Variants in LAMA4 observed in about 807,000 individuals in gnomAD.
LAMA4 encodes laminin subunit alpha 4.
In LAMA4, 127 loss-of-function variants were observed where a neutral mutation model predicts 207.1. That is an observed-to-expected ratio of 0.61 (90% CI 0.53 to 0.71). LAMA4 has a LOEUF of 0.71. Among genes scored for constraint, LAMA4 ranks in the 30% least tolerant of loss-of-function variants. The probability of loss-of-function intolerance (pLI) is 0.00; values close to 1 mark genes in which losing one functional copy is unlikely to be tolerated. For synonymous variants in LAMA4, 761 were observed against 816.0 expected (o/e 0.93, Z 1.15); for missense variants, 2,093 against 2,246.5 (o/e 0.93, Z 1.38).
intron 3 of LAMA4, among the ~76,000 whole-genome samples, chr6:112,211,157 C>G (rs1554356422): frequency 6.6e-6 from 1 of 152,120 alleles, no homozygotes; most frequent in East Asian, 1.9e-4. Context: ...GCATTTCTAA[C>G]AAGCTCCCAA....
Position 112,158,827 on chromosome 6 carries a change from T to C in LAMA4, c.1722A>G (p.Val574=). ...TGAGGTTACTTAGGTTAGATAGTTTTACTTGTAGTTCACTTTTGGCTCCAT... is the reference window on the plus strand; with the variant it reads ...TGAGGTTACTTAGGTTAGATAGTTTCACTTGTAGTTCACTTTTGGCTCCAT... ...EIDGAKSELQ[V]KLSNLSNLSH... Residue 574 remains valine, a synonymous_variant, in exon 14 of 39, where the codon GTA becomes GTG. Coordinates refer to ENST00000230538, the MANE Select transcript of LAMA4 (RefSeq NM_001105206.3). 1 of 1,613,344 alleles carries C rather than the reference T, an allele frequency of 6.2e-7. No individual in the cohort carries two copies. Among genetic ancestry groups the C allele is most frequent in the Non-Finnish European group, 8.5e-7 (1 of 1,179,296 alleles).
Position 112,109,498 on chromosome 6 carries a change from C to G in LAMA4, c.5411G>C (p.Ser1804Thr). The part of the protein sequence containing the change: ...RHFVIDGHPV[S>T]FSKAALVSGA... ...GCTGACCAGGGCTGCTTTACTGAAG[C>G]TCACTGGGTGTCCATCAATCACAAA... Residue 1804 changes from serine (S) to threonine (T), a missense_variant, in exon 39 of 39, where the codon AGC becomes ACC. Around this residue, in one of 3 missense-constraint regions of LAMA4, gnomAD observed 383 missense variants for 437.8 expected, o/e 0.87. Transcript: ENST00000230538. 6.2e-7 allele frequency: 1 copy of G among 1,614,104 alleles called. No homozygotes were observed. The highest frequency in any genetic ancestry group is 8.5e-7 in the Non-Finnish European group (1 of 1,179,998).
Position 112,254,046 on chromosome 6 carries a change from G to C in LAMA4, c.105C>G (p.Asp35Glu), listed in dbSNP as rs572035776. 9 of 1,602,392 alleles carry C rather than the reference G, an allele frequency of 5.6e-6. No individual in the cohort carries two copies. In the South Asian group the frequency reaches 9.0e-5, roughly 16 times the overall value. ...ASGDDNAFPFDIEGSSAVGRQ... is the reference protein window; with the variant it reads ...ASGDDNAFPFEIEGSSAVGRQ... ...TGCCAACCGCTGAGCTCCCTTCAAT[G>C]TCAAAAGGAAAAGCGTTGTCGTCCC... Residue 35 changes from aspartate (D) to glutamate (E), a missense_variant, in exon 2 of 39, where the codon GAC becomes GAG. By Grantham distance (45) the Asp-to-Glu change is conservative. Transcript: ENST00000230538.
rs587752276 is a variant in LAMA4 at position 112,114,824 on chromosome 6, T to A, written c.5113-68A>T. The A allele has an allele frequency of 1.3e-4, 147 of 1,114,746 alleles. No individual in the cohort carries two copies. The African/African-American group carries it at 2.2e-3, about 17-fold the overall frequency. The allele number at this position is 1,114,746 out of a possible 1,614,324, so 69.1% of individuals were successfully genotyped here. A position where few individuals can be genotyped will look rare whatever the true frequency, so the allele number is the denominator to read the frequency against. On this transcript the variant is annotated intron_variant, in intron 36 of 38. Transcript: ENST00000230538. ...TTGTGATAAAACTGAATTTCTTAAA[T>A]AATTTACCACAGTGAAGCAATACTT...
At chr6:112,133,316 C>G in intron 27 of LAMA4, 33 bp downstream of exon 27, 1 of 1,610,448 alleles carries the variant, frequency 6.2e-7, no homozygotes, top group East Asian at 2.2e-5. Context: ...AGTATTGTGT[C>G]TATTAAAAAG....
At chr6:112,216,534 G>A in intron 2 of LAMA4, 65 bp from the exon 3 acceptor site, 3 of 1,046,818 alleles carry the variant, frequency 2.9e-6, no homozygotes, top group South Asian at 1.3e-5. Context: ...TATTTTCTGA[G>A]AAGAAATCAG....
intron 36 of LAMA4, among the ~76,000 whole-genome samples, chr6:112,115,259 T>C (rs1209981561): frequency 1.3e-5 from 2 of 152,200 alleles, no homozygotes; most frequent in Non-Finnish European, 2.9e-5. Flanking sequence ...ATACATTTTA[T>C]TGTGATGGCT....
intron 2 of LAMA4, among the ~76,000 whole-genome samples, chr6:112,242,233 AT>A (rs1372799072): frequency 6.6e-6 from 1 of 152,152 alleles, no homozygotes; most frequent in African/African-American, 2.4e-5. Context: ...TGTGTGTGCC[AT>A]GGTTTCAGGA....
At position 112,138,337 on chromosome 6, in the gene LAMA4, T is replaced by C. The variant is rs370162477; in HGVS notation, c.3282+783A>G. On this transcript the variant is annotated intron_variant, in intron 24 of 38. Transcript: ENST00000230538. ...AATGATATGGTTCTTTCATTTTTTA[T>C]TTTTGTGAGGTGTCTTGTCTAGTTA... 1.7e-4 allele frequency among the ~76,000 whole-genome samples: 26 copies of C among 152,278 alleles called. No homozygotes were observed. The East Asian group carries it at 4.8e-3, about 28-fold the overall frequency.
At chr6:112,113,988 A>G (rs1204185703) in intron 38 of LAMA4, 88 bp downstream of exon 38, 2 of 1,503,088 alleles carry the variant, frequency 1.3e-6, no homozygotes, top group African/African-American at 2.7e-5. Flanking sequence ...TAGGTGCATC[A>G]TAAAAACACA....
At position 112,175,495 on chromosome 6, in the gene LAMA4, AT is replaced by A. The variant is rs782366604; in HGVS notation, c.1190-16del. 6 of 1,613,894 alleles carry A rather than the reference AT, an allele frequency of 3.7e-6. No individual in the cohort carries two copies. The highest frequency in any genetic ancestry group is 5.1e-6 in the Non-Finnish European group (6 of 1,179,950). Reference sequence around the variant, plus strand: ...GTTGTTGATCTCTGAAAGGAAGAACATGGTGAAACAAGGCAGCAGGGAGAGA... The same window carrying A: ...GTTGTTGATCTCTGAAAGGAAGAACAGGTGAAACAAGGCAGCAGGGAGAGA... On this transcript the variant is annotated splice_polypyrimidine_tract_variant and intron_variant, in intron 10 of 38. Coordinates refer to ENST00000230538, the MANE Select transcript of LAMA4 (RefSeq NM_001105206.3).
chr6:112,166,524 C>T (rs551440440), intron 12 of LAMA4: 1 of 153,512 alleles, frequency 6.5e-6, no homozygotes, highest in African/African-American at 2.4e-5. Flanking sequence ...TTTCCTTTTA[C>T]AGTGTTCTTT....
At chr6:112,125,631 T>C (rs1297534965) in intron 31 of LAMA4, among the ~76,000 whole-genome samples, 2 of 152,244 alleles carry the variant, frequency 1.3e-5, no homozygotes, top group African/African-American at 2.4e-5. Context: ...ACAAATACCA[T>C]AGGGAACTAG....
intron 29 of LAMA4, 93 bp from the exon 30 acceptor site, chr6:112,130,133 G>A (rs1778942561): frequency 2.0e-6 from 2 of 1,019,394 alleles, no homozygotes; most frequent in African/African-American, 3.2e-5. Context: ...TCATGAAATT[G>A]AAATGGAACA....
At chr6:112,128,290 C>T (rs1017663403) in intron 31 of LAMA4, among the ~76,000 whole-genome samples, 4 of 152,072 alleles carry the variant, frequency 2.6e-5, no homozygotes, top group East Asian at 1.9e-4. Flanking sequence ...GCAACAAACG[C>T]GGATGAGCCT....
chr6:112,172,998 C>T (rs968959676), intron 11 of LAMA4, among the ~76,000 whole-genome samples, 194 bp from the exon 12 acceptor site: 1 of 152,066 alleles, frequency 6.6e-6, no homozygotes, highest in Non-Finnish European at 1.5e-5. Flanking sequence ...TTTGGGAGTC[C>T]CTGGATAACT....
intron 8 of LAMA4, chr6:112,186,667 T>G: frequency 4.9e-6 from 2 of 405,384 alleles, no homozygotes; most frequent in South Asian, 3.8e-5. Context: ...CTAGATTACT[T>G]ATAATACCAC....
Position 112,249,699 on chromosome 6 carries a change from C to T in LAMA4, c.195+4257G>A, listed in dbSNP as rs147525524. Reference sequence around the variant, plus strand: ...TTGTCATGAAAGTTACTGGAAATTACTCATGGGAAGTGTTTACATCAGTAT... The same window carrying T: ...TTGTCATGAAAGTTACTGGAAATTATTCATGGGAAGTGTTTACATCAGTAT... On this transcript the variant is annotated intron_variant, in intron 2 of 38. Coordinates refer to ENST00000230538, the MANE Select transcript of LAMA4 (RefSeq NM_001105206.3). Among the ~76,000 whole-genome samples the T allele has an allele frequency of 2.3e-3, 357 of 152,240 alleles. 3 individuals are homozygous for T. The highest frequency in any genetic ancestry group is 7.2e-3 in the African/African-American group (301 of 41,544).
At chr6:112,152,118 A>G (rs1554335900) in intron 16 of LAMA4, among the ~76,000 whole-genome samples, 1 of 152,082 alleles carries the variant, frequency 6.6e-6, no homozygotes, top group African/African-American at 2.4e-5. Context: ...TTCCTTTTTA[A>G]TAATATCCTT....
Sources: gnomAD v4.1 joint callset for allele counts (sites outside exome capture counted in the v4.1 genomes callset) on GRCh38, gnomAD v4.1.1 for gene constraint, gnomAD v4.1.1 regional missense constraint, MANE v1.5 for transcripts, NCBI Gene and HGNC (gene_info 2026-07-23, HGNC 2026-07-21) for gene names.